The following ABI3BP variants were observed in gnomAD, a reference collection of about 807,000 sequenced individuals.
The protein encoded by ABI3BP is ABI family member 3 binding protein.
ABI3BP carries 216 observed loss-of-function variants against 268.6 expected under a neutral mutation model. That is an observed-to-expected ratio of 0.80 (90% CI 0.72 to 0.90). ABI3BP has a LOEUF of 0.90. Ranked by LOEUF, ABI3BP falls within the 40% of genes least tolerant of loss-of-function variation. The probability of loss-of-function intolerance (pLI) is 0.00; values close to 1 mark genes in which losing one functional copy is unlikely to be tolerated. For synonymous variants in ABI3BP, 730 were observed against 730.0 expected, an observed-to-expected ratio of 1.00 and a Z score of 0.00; for missense variants, 2,090 against 2,182.4, an observed-to-expected ratio of 0.96 and a Z score of 0.84.
chr3:100,786,344 C>T (rs1416372372), intron 57 of ABI3BP, among the ~76,000 whole-genome samples: 2 of 152,090 alleles, frequency 1.3e-5, no homozygotes, highest in African/African-American at 4.8e-5. Context: ...AAGTTGGATA[C>T]ATTATTATAA....
At chr3:100,815,508 T>C (rs183154198) in intron 44 of ABI3BP, among the ~76,000 whole-genome samples, 24 of 152,212 alleles carry the variant, frequency 1.6e-4, no homozygotes, top group African/African-American at 5.3e-4. Context: ...TTCCTTAAAA[T>C]AGGAAGAAAA....
chr3:100,802,296 G>A (rs2097555493), intron 51 of ABI3BP, among the ~76,000 whole-genome samples: 1 of 152,156 alleles, frequency 6.6e-6, no homozygotes, highest in South Asian at 2.1e-4. Flanking sequence ...GTTTGCTCCT[G>A]ATGACTGAAA....
At chr3:100,887,458 T>C (rs1490427840) in intron 4 of ABI3BP, among the ~76,000 whole-genome samples, 1 of 152,092 alleles carries the variant, frequency 6.6e-6, no homozygotes, top group Admixed American at 6.6e-5. Context: ...ACATTTCTGA[T>C]AGTGCTTTAA....
At chr3:100,901,345 C>T (rs929773721) in intron 3 of ABI3BP, among the ~76,000 whole-genome samples, 1 of 152,164 alleles carries the variant, frequency 6.6e-6, no homozygotes, top group Non-Finnish European at 1.5e-5. Flanking sequence ...GTTCTTTCTC[C>T]CATTTTATTC....
At chr3:100,770,614 G>T in intron 62 of ABI3BP, 129 bp downstream of exon 62, 1 of 794,432 alleles carries the variant, frequency 1.3e-6, no homozygotes, top group Non-Finnish European at 1.8e-6. Flanking sequence ...CTTAAAGGCA[G>T]CAAAACTGCT....
rs546167691 is a variant in ABI3BP at position 100,834,713 on chromosome 3, G to C, written c.2252C>G (p.Pro751Arg). The change falls in exon 29 of 68, where the codon CCA becomes CGA. Residue 751 changes from proline to arginine, a missense_variant. Pro to Arg is a moderately radical substitution (Grantham distance 103, BLOSUM62 -2). Coordinates refer to ENST00000471714, the MANE Select transcript of ABI3BP (RefSeq NM_001375547.2). ...RRPRPKHKTT[P>R]RPETLQTKLD... ...TTTGGTCTGCAGTGTCTCTGGGCGT[G>C]GCGTGGTTTTATGTTTGGGACGTGG... The C allele has an allele frequency of 1.7e-4, 262 of 1,535,726 alleles. 1 individual carries two copies. The highest frequency in any genetic ancestry group is 2.2e-4 in the Non-Finnish European group (253 of 1,146,554).
At chr3:100,919,083 A>G (rs1219102676) in intron 2 of ABI3BP, among the ~76,000 whole-genome samples, 1 of 151,882 alleles carries the variant, frequency 6.6e-6, no homozygotes, top group Admixed American at 6.6e-5. Context: ...CTCTCTAAGG[A>G]CTCTGCCAGG....
intron 4 of ABI3BP, among the ~76,000 whole-genome samples, chr3:100,896,162 T>C (rs919460447): frequency 6.6e-6 from 1 of 152,178 alleles, no homozygotes; most frequent in Admixed American, 6.5e-5. Flanking sequence ...ATTTTGAATA[T>C]TGTGATGTGA....
intron 6 of ABI3BP, among the ~76,000 whole-genome samples, chr3:100,882,624 C>A (rs2039945455): frequency 6.6e-6 from 1 of 151,914 alleles, no homozygotes; most frequent in South Asian, 2.1e-4. Context: ...TGATAAAATG[C>A]CTGGCTCTGT....
intron 6 of ABI3BP, among the ~76,000 whole-genome samples, chr3:100,881,074 C>T (rs1257462443): frequency 6.6e-6 from 1 of 152,154 alleles, no homozygotes; most frequent in Admixed American, 6.5e-5. Context: ...CATACTGACT[C>T]AATCTAACAT....
chr3:100,881,074 C>G (rs1257462443), intron 6 of ABI3BP, among the ~76,000 whole-genome samples: 1 of 152,154 alleles, frequency 6.6e-6, no homozygotes, highest in Non-Finnish European at 1.5e-5. Context: ...CATACTGACT[C>G]AATCTAACAT....
chr3:100,864,607 T>C lies in ABI3BP; in HGVS notation c.1063+226A>G, dbSNP rs868613909. ...AAGGGCATTTAGTTAGCAATTAGCA[T>C]CCAGATTTGCCCAGAAGTTCAGTCA... On this transcript the variant is annotated intron_variant, in intron 11 of 67. Transcript: ENST00000471714. 9.3e-5 allele frequency: 47 copies of C among 507,418 alleles called. No individual in the cohort carries two copies. In the South Asian group the frequency reaches 1.2e-3, roughly 13 times the overall value. 31.4% of individuals were successfully genotyped at this position (507,418 alleles called of 1,614,324 possible).
intron 17 of ABI3BP, 51 bp from the exon 18 acceptor site, chr3:100,848,926 A>G (rs1220463887): frequency 3.3e-6 from 5 of 1,534,406 alleles, no homozygotes; most frequent in East Asian, 2.3e-5. Context: ...TCAGGGGTCA[A>G]TCAGGTTGTG....
intron 55 of ABI3BP, among the ~76,000 whole-genome samples, chr3:100,790,511 C>T (rs1403140601): frequency 6.6e-6 from 1 of 151,928 alleles, no homozygotes; most frequent in Non-Finnish European, 1.5e-5. Flanking sequence ...AAAAAGTATG[C>T]CTGTGAAATT....
At chr3:100,840,210 C>T in intron 22 of ABI3BP, 46 bp from the exon 23 acceptor site, 1 of 1,359,438 alleles carries the variant, frequency 7.4e-7, no homozygotes, top group Middle Eastern at 1.8e-4. Flanking sequence ...GGTGGATTTA[C>T]AAACTGATGA....
At chr3:100,859,348 A>G (rs1474841478) in intron 14 of ABI3BP, among the ~76,000 whole-genome samples, 2 of 152,106 alleles carry the variant, frequency 1.3e-5, no homozygotes, top group East Asian at 3.9e-4. Flanking sequence ...CATTAAAAGT[A>G]ATGGCAAAAA....
chr3:100,806,335 C>G (rs961067818), intron 50 of ABI3BP, among the ~76,000 whole-genome samples: 1 of 152,052 alleles, frequency 6.6e-6, no homozygotes, highest in Non-Finnish European at 1.5e-5. Flanking sequence ...AAACAGGACA[C>G]TCTCCTGTCC....
rs569067007 is a variant in ABI3BP at position 100,993,363 on chromosome 3, G to C, written c.22C>G (p.Leu8Val). Residue 8 changes from leucine to valine, a missense_variant, in exon 1 of 68, where the codon CTA (leucine) becomes GTA (valine). By Grantham distance (32) the Leu-to-Val change is conservative (BLOSUM62 1). Transcript: ENST00000471714. ...AGTGTAATACTTCCACAGAGAAGTAGACACCCCAAACTGGAGAGCATGTTG... is the reference window on the plus strand; with the variant it reads ...AGTGTAATACTTCCACAGAGAAGTACACACCCCAAACTGGAGAGCATGTTG... MLSSLGC[L>V]LLCGSITLAL... is the part of the protein sequence containing the mutation. 1.1e-4 allele frequency: 170 copies of C among 1,553,364 alleles called. No individual in the cohort carries two copies. The highest frequency in any genetic ancestry group is 1.4e-4 in the Non-Finnish European group (159 of 1,147,830).
intron 25 of ABI3BP, 24 bp downstream of exon 25, chr3:100,838,378 C>A: frequency 2.0e-6 from 3 of 1,533,466 alleles, no homozygotes; most frequent in Non-Finnish European, 2.6e-6. Flanking sequence ...ATTTATAGAT[C>A]AAGGCATTGA....
Sources: gnomAD v4.1 joint callset for allele counts (sites outside exome capture counted in the v4.1 genomes callset) on GRCh38, gnomAD v4.1.1 for gene constraint, MANE v1.5 for transcripts, NCBI Gene and HGNC (gene_info 2026-07-23, HGNC 2026-07-21) for gene names.